KCTD8: variants seen among roughly 807,000 people sequenced by gnomAD.
KCTD8 encodes the protein BTB/POZ domain-containing protein KCTD8.
A neutral mutation model predicts 31.5 loss-of-function variants in KCTD8; 27 were observed. The observed-to-expected ratio is 0.86, with a 90% CI of 0.63 to 1.18. The LOEUF (loss-of-function observed/expected upper bound fraction) is 1.18, where lower values mean the gene tolerates loss of function less well. Ranked by LOEUF, KCTD8 falls within the 50% of genes most tolerant of loss-of-function variation. The pLI, the probability that KCTD8 is intolerant of heterozygous loss-of-function variation, is 0.00. For missense variants in KCTD8, 658 were observed against 647.7 expected, an observed-to-expected ratio of 1.02 and a Z score of -0.17; for synonymous variants, 290 against 280.0, an observed-to-expected ratio of 1.04 and a Z score of -0.36.
At chr4:44,286,585 G>A (rs1330100275) in intron 1 of KCTD8, among the ~76,000 whole-genome samples, 2 of 152,104 alleles carry the variant, frequency 1.3e-5, no homozygotes, top group Admixed American at 1.3e-4. Flanking sequence ...TGGGCATGTG[G>A]ATGAAGGGGA....
At chr4:44,404,684 T>C (rs1720742647) in intron 1 of KCTD8, among the ~76,000 whole-genome samples, 1 of 152,144 alleles carries the variant, frequency 6.6e-6, no homozygotes, top group Non-Finnish European at 1.5e-5. Context: ...AGGAAAATAA[T>C]GAGACAGAAA....
At chr4:44,337,673 C>CAAAA (rs772899561) in intron 1 of KCTD8, among the ~76,000 whole-genome samples, 1,478 of 70,474 alleles carry the variant, frequency 0.021, 34 homozygotes, top group African/African-American at 0.071. Context: ...GACTCGATCT[C>CAAAA]AAAAAATATA....
At chr4:44,442,728 T>C (rs140807276) in intron 1 of KCTD8, among the ~76,000 whole-genome samples, 308 of 152,104 alleles carry the variant, frequency 2.0e-3, no homozygotes, top group African/African-American at 7.2e-3. Flanking sequence ...ATACTGGTTT[T>C]ATACATATTT....
At chr4:44,402,358 C>T (rs1720686845) in intron 1 of KCTD8, among the ~76,000 whole-genome samples, 1 of 152,144 alleles carries the variant, frequency 6.6e-6, no homozygotes, top group Non-Finnish European at 1.5e-5. Flanking sequence ...GCTACTTCTT[C>T]TTAGCATTAG....
intron 1 of KCTD8, among the ~76,000 whole-genome samples, chr4:44,206,504 C>T (rs1263393437): frequency 6.6e-6 from 1 of 152,124 alleles, no homozygotes; most frequent in Admixed American, 6.6e-5. Flanking sequence ...CTTTTTATGG[C>T]CTTCCATTGA....
chr4:44,404,447 C>A (rs1331296502), intron 1 of KCTD8, among the ~76,000 whole-genome samples: 1 of 152,102 alleles, frequency 6.6e-6, no homozygotes, highest in Non-Finnish European at 1.5e-5. Flanking sequence ...TCACCATGAT[C>A]CTGACTTGCC....
chr4:44,225,365 G>A (rs1302254885), intron 1 of KCTD8, among the ~76,000 whole-genome samples: 2 of 152,276 alleles, frequency 1.3e-5, no homozygotes, highest in East Asian at 1.9e-4. Flanking sequence ...CCCATAGGCT[G>A]GCCACCTGTT....
intron 1 of KCTD8, among the ~76,000 whole-genome samples, chr4:44,181,307 A>G (rs1344324677): frequency 6.7e-6 from 1 of 149,246 alleles, no homozygotes; most frequent in Non-Finnish European, 1.5e-5. Flanking sequence ...CCGAGGCTGG[A>G]CTCTGCTGCT....
Position 44,434,237 on chromosome 4 carries a change from T to C in KCTD8, c.961+13326A>G, listed in dbSNP as rs1252962344. ...GAACTCTCCATTCAGTTCAAGGCAA[T>C]TACCTCCTTCTCTATTTCACCATAA... On this transcript the variant is annotated intron_variant, in intron 1 of 1. Coordinates refer to ENST00000360029, the MANE Select transcript of KCTD8 (RefSeq NM_198353.3). Among the ~76,000 whole-genome samples the C allele has an allele frequency of 2.0e-5, 3 of 152,022 alleles. No individual in the cohort carries two copies. In the East Asian group the frequency reaches 5.8e-4, roughly 30 times the overall value.
chr4:44,360,226 C>T (rs1032706807), intron 1 of KCTD8, among the ~76,000 whole-genome samples: 3 of 151,946 alleles, frequency 2.0e-5, no homozygotes, highest in Non-Finnish European at 4.4e-5. Flanking sequence ...AACTGTTTTA[C>T]ACACACCATC....
chr4:44,184,324 T>C (rs1474936693), intron 1 of KCTD8, among the ~76,000 whole-genome samples: 1 of 152,152 alleles, frequency 6.6e-6, no homozygotes, highest in Non-Finnish European at 1.5e-5. Context: ...TGAAGACAAA[T>C]GAATAAAATT....
intron 1 of KCTD8, among the ~76,000 whole-genome samples, chr4:44,390,085 T>C (rs1349528407): frequency 3.9e-5 from 6 of 152,090 alleles, no homozygotes; most frequent in Non-Finnish European, 5.9e-5. Flanking sequence ...AATCTGTGGG[T>C]TGTCTGTTAC....
At chr4:44,428,045 T>C (rs1022576128) in intron 1 of KCTD8, among the ~76,000 whole-genome samples, 1 of 151,628 alleles carries the variant, frequency 6.6e-6, no homozygotes, top group African/African-American at 2.4e-5. Context: ...GGGATTGGGT[T>C]GGGTAATAAT....
At chr4:44,233,083 G>GT (rs1310424991) in intron 1 of KCTD8, among the ~76,000 whole-genome samples, 4 of 151,484 alleles carry the variant, frequency 2.6e-5, no homozygotes, top group Non-Finnish European at 5.9e-5. Flanking sequence ...TAATTTTTTG[G>GT]TTTTTTTCTT....
chr4:44,209,827 A>C (rs186323562), intron 1 of KCTD8, among the ~76,000 whole-genome samples: 2 of 152,308 alleles, frequency 1.3e-5, no homozygotes, highest in East Asian at 3.9e-4. Context: ...TGAAAAGCAA[A>C]AAACAAAAAA....
At chr4:44,355,359 A>G (rs1341936345) in intron 1 of KCTD8, among the ~76,000 whole-genome samples, 1 of 152,132 alleles carries the variant, frequency 6.6e-6, no homozygotes, top group East Asian at 1.9e-4. Context: ...AGTGAGATCA[A>G]TTAAGACATT....
rs554066768 is a variant in KCTD8, at chr4:44,439,342, C to CT, written c.961+8220dup. ...ATATTAGTTTCTTCCATTTTATTTG[C>CT]TTTTTTCCCCGATAAAAGCAGGGTT... On this transcript the variant is annotated intron_variant, in intron 1 of 1. Transcript: ENST00000360029. 2.6e-3 allele frequency among the ~76,000 whole-genome samples: 388 copies of CT among 152,052 alleles called. 1 individual carries two copies. Among genetic ancestry groups the CT allele is most frequent in the South Asian group, 4.8e-3 (23 of 4,816 alleles).
intron 1 of KCTD8, among the ~76,000 whole-genome samples, chr4:44,294,374 C>T (rs761968663): frequency 2.0e-5 from 3 of 152,112 alleles, no homozygotes; most frequent in Non-Finnish European, 4.4e-5. Flanking sequence ...ACACATTCTG[C>T]CCAAAGATTT....
chr4:44,284,213 T>C (rs915281661), intron 1 of KCTD8, among the ~76,000 whole-genome samples: 1 of 152,096 alleles, frequency 6.6e-6, no homozygotes, highest in Non-Finnish European at 1.5e-5. Context: ...CGCATCATGT[T>C]ACCTGACTTC....
Sources: gnomAD v4.1 joint callset for allele counts (sites outside exome capture counted in the v4.1 genomes callset) on GRCh38, gnomAD v4.1.1 for gene constraint, MANE v1.5 for transcripts, NCBI Gene and HGNC (gene_info 2026-07-23, HGNC 2026-07-21) for gene names.